ZNF112: variants seen among roughly 807,000 people sequenced by gnomAD.
The protein encoded by ZNF112 is zinc finger protein 112 (Y14).
A neutral mutation model predicts 77.7 loss-of-function variants in ZNF112; 37 were observed. The observed-to-expected ratio is 0.48, with a 90% confidence interval of 0.37 to 0.63. The LOEUF (loss-of-function observed/expected upper bound fraction) is 0.63, where lower values mean the gene tolerates loss of function less well. Among genes scored for constraint, ZNF112 ranks in the 20% least tolerant of loss-of-function variants. The probability of loss-of-function intolerance (pLI) is 0.00; values close to 1 mark genes in which losing one functional copy is unlikely to be tolerated. For missense variants in ZNF112, 950 were observed against 1,077.4 expected, an observed-to-expected ratio of 0.88 and a Z score of 1.66; for synonymous variants, 333 against 363.6, an observed-to-expected ratio of 0.92 and a Z score of 0.96.
intron 3 of ZNF112, among the ~76,000 whole-genome samples, chr19:44,330,740 G>A (rs899664840): frequency 6.6e-6 from 1 of 152,078 alleles, no homozygotes; most frequent in Non-Finnish European, 1.5e-5. Context: ...TGTCTCAAAC[G>A]AAACAAAACA....
chr19:44,333,604 C>T (rs1970310246), intron 3 of ZNF112, among the ~76,000 whole-genome samples: 1 of 152,164 alleles, frequency 6.6e-6, no homozygotes, highest in South Asian at 2.1e-4. Flanking sequence ...CTCAAGAGAT[C>T]TGGTTGTTTG....
rs1173743151 is a variant in ZNF112 at position 44,349,801 on chromosome 19, T to C, written c.-4+6825A>G. ...CAGATAAAATAAATTTGTTTATGATTAGTAGACTTTGGGCAAGACCAACTG... is the reference window on the plus strand; with the variant it reads ...CAGATAAAATAAATTTGTTTATGATCAGTAGACTTTGGGCAAGACCAACTG... On this transcript the variant is annotated intron_variant, in intron 1 of 3. Transcript: ENST00000354340. 2.6e-5 allele frequency among the ~76,000 whole-genome samples: 4 copies of C among 152,194 alleles called. No homozygotes were observed. The South Asian group carries it at 8.3e-4, about 32-fold the overall frequency.
chr19:44,327,497 T>C lies in ZNF112; in HGVS notation c.2660A>G (p.Asp887Gly), dbSNP rs1166537632. 1 of 1,613,926 alleles carries C rather than the reference T, an allele frequency of 6.2e-7. No individual in the cohort carries two copies. The highest frequency in any genetic ancestry group is 1.3e-5 in the African/African-American group (1 of 75,024). Residue 887 changes from aspartate (D) to glycine (G), a missense_variant, in exon 4 of 4, where the codon GAC (aspartate) becomes GGC (glycine). Transcript: ENST00000354340. Reference protein sequence around the residue: ...HSSDKFYKSEDYGKDYPSSEN... With the variant: ...HSSDKFYKSEGYGKDYPSSEN... The stretch of plus-strand genomic sequence containing the variant: ...TGATGAAGGGTAGTCCTTACCATAG[T>C]CTTCGCTTTTATAGAATTTATCACT...
At chr19:44,357,036 G>A (rs1970799198), upstream of ZNF112, among the ~76,000 whole-genome samples, 1 of 152,184 alleles carries the variant, frequency 6.6e-6, no homozygotes, top group Admixed American at 6.5e-5. Flanking sequence ...TGACCCTGTG[G>A]ATCTTCTGGA....
intron 1 of ZNF112, among the ~76,000 whole-genome samples, chr19:44,366,645 C>G (rs1047762130): frequency 1.4e-5 from 2 of 142,554 alleles, no homozygotes; most frequent in Admixed American, 6.9e-5. Flanking sequence ...CCGCCCCATT[C>G]CCCCCACCCC....
intron 3 of ZNF112, among the ~76,000 whole-genome samples, chr19:44,331,320 C>T (rs1970267119): frequency 1.3e-5 from 2 of 152,154 alleles, no homozygotes; most frequent in South Asian, 2.1e-4. Flanking sequence ...TTTGCTTGTG[C>T]CATTTTACTG....
chr19:44,338,949 G>A lies in ZNF112; in HGVS notation c.124+1467C>T, dbSNP rs945232797. Among the ~76,000 whole-genome samples, 3 of 152,126 alleles carry A rather than the reference G, an allele frequency of 2.0e-5. No homozygotes were observed. The South Asian group carries it at 6.2e-4, about 32-fold the overall frequency. On this transcript the variant is annotated intron_variant, in intron 2 of 3. Coordinates refer to ENST00000354340, the MANE Select transcript of ZNF112 (RefSeq NM_013380.4). Reference sequence around the variant, plus strand: ...ATGGTGGTAGTTGCCTGTAATCTCAGCTACAGGTGGCTGAGGCACGAGAAT... The same window carrying A: ...ATGGTGGTAGTTGCCTGTAATCTCAACTACAGGTGGCTGAGGCACGAGAAT...
upstream of ZNF112, among the ~76,000 whole-genome samples, chr19:44,358,100 C>T (rs1395690016): frequency 2.7e-5 from 4 of 149,216 alleles, no homozygotes; most frequent in African/African-American, 5.0e-5. Context: ...TGCAGTGAGC[C>T]GAGATCGCAC....
At chr19:44,342,289 C>G (rs889419570) in intron 1 of ZNF112, among the ~76,000 whole-genome samples, 2 of 152,160 alleles carry the variant, frequency 1.3e-5, no homozygotes, top group Admixed American at 6.5e-5. Flanking sequence ...ATTTTTCCCC[C>G]AACCTTAGCT....
At chr19:44,342,010 C>T (rs1970498416) in intron 1 of ZNF112, among the ~76,000 whole-genome samples, 1 of 152,180 alleles carries the variant, frequency 6.6e-6, no homozygotes, top group South Asian at 2.1e-4. Flanking sequence ...TGAACATGAA[C>T]CTCTTAACAG....
chr19:44,363,318 C>T (rs1283791174), intron 1 of ZNF112, among the ~76,000 whole-genome samples: 1 of 152,142 alleles, frequency 6.6e-6, no homozygotes, highest in Non-Finnish European at 1.5e-5. Context: ...ATACAGTAGT[C>T]ACCCATATAT....
intron 1 of ZNF112, among the ~76,000 whole-genome samples, chr19:44,354,771 A>G (rs1411524008): frequency 6.6e-6 from 1 of 152,194 alleles, no homozygotes; most frequent in Non-Finnish European, 1.5e-5. Flanking sequence ...GGATTTAGAT[A>G]AAGAGAAATA....
At chr19:44,350,130 C>A (rs1325681668) in intron 1 of ZNF112, among the ~76,000 whole-genome samples, 1 of 151,998 alleles carries the variant, frequency 6.6e-6, no homozygotes, top group Non-Finnish European at 1.5e-5. Flanking sequence ...TATGTTGGAG[C>A]AGAAAAAGGC....
At chr19:44,360,970 T>C (rs145278786), upstream of ZNF112, among the ~76,000 whole-genome samples, 46 of 152,308 alleles carry the variant, frequency 3.0e-4, 1 homozygote, top group East Asian at 7.7e-3. Context: ...TCGATGATAG[T>C]ATGGATAAAT....
intron 1 of ZNF112, chr19:44,341,188 C>T (rs1472646600): frequency 2.2e-6 from 1 of 456,668 alleles, no homozygotes; most frequent in African/African-American, 2.0e-5. Context: ...AAGTACCCAA[C>T]AAATGTTAGC....
intron 1 of ZNF112, among the ~76,000 whole-genome samples, chr19:44,363,252 T>C (rs1970871385): frequency 6.6e-6 from 1 of 152,218 alleles, no homozygotes; most frequent in Admixed American, 6.5e-5. Flanking sequence ...ATTGTAGGCA[T>C]GAGCCACTGT....
chr19:44,334,699 G>C (rs942169631), intron 3 of ZNF112, among the ~76,000 whole-genome samples: 5 of 152,258 alleles, frequency 3.3e-5, no homozygotes, highest in Admixed American at 3.3e-4. Context: ...GTATAGCTCA[G>C]GCCATTGCTT....
At chr19:44,356,843 C>T (rs575480682), upstream of ZNF112, among the ~76,000 whole-genome samples, 1 of 152,294 alleles carries the variant, frequency 6.6e-6, no homozygotes, top group Non-Finnish European at 1.5e-5. Flanking sequence ...GCCTAGGACG[C>T]AAGTACCGGG....
At chr19:44,340,016 A>T (rs537764665) in intron 2 of ZNF112, among the ~76,000 whole-genome samples, 1 of 152,310 alleles carries the variant, frequency 6.6e-6, no homozygotes, top group East Asian at 1.9e-4. Flanking sequence ...AGGTGAATCC[A>T]GGTAGAATCT....
Sources: allele counts gnomAD v4.1 joint callset (sites outside exome capture counted in the v4.1 genomes callset), GRCh38; gene constraint gnomAD v4.1.1; transcripts MANE v1.5; gene names NCBI Gene and HGNC (gene_info 2026-07-23, HGNC 2026-07-21).